Variants in ACACB observed in about 807,000 individuals in gnomAD.
ACACB encodes the protein acetyl-CoA carboxylase 2.
In ACACB, 209 loss-of-function variants were observed where a neutral mutation model predicts 278.8. The observed-to-expected ratio is 0.75, with a 90% CI of 0.67 to 0.84. ACACB has a LOEUF of 0.84. Among genes scored for constraint, ACACB ranks in the 40% least tolerant of loss-of-function variants. ACACB has a pLI of 0.00. For synonymous variants in ACACB, 1,174 were observed against 1,285.6 expected, an observed-to-expected ratio of 0.91 and a Z score of 1.86; for missense variants, 2,850 against 3,269.0, an observed-to-expected ratio of 0.87 and a Z score of 3.13.
intron 13 of ACACB, among the ~76,000 whole-genome samples, chr12:109,190,300 C>G (rs55769293): frequency 0.1 from 15,268 of 152,200 alleles, 911 homozygotes; most frequent in Non-Finnish European, 0.13. Context: ...GTTGGTCAGG[C>G]TGGTCTCGAA....
chr12:109,236,096 AGC>A, intron 33 of ACACB: 1 of 160,882 alleles, frequency 6.2e-6, no homozygotes, highest in Non-Finnish European at 1.4e-5. Flanking sequence ...CCTCCCGAAT[AGC>A]TGGGACTATA....
chr12:109,185,743 A>G lies in ACACB; in HGVS notation c.1980+3A>G, dbSNP rs751527138. 10 of 1,607,008 alleles carry G rather than the reference A, an allele frequency of 6.2e-6. No homozygotes were observed. The South Asian group carries it at 1.1e-4, about 18-fold the overall frequency. ...TCACCAGCGAAAACCCAGACGAGGC[A>G]AGTTATGGGGGCCCCTGTGTTTCCA... On this transcript the variant is annotated splice_donor_region_variant and intron_variant, in intron 12 of 52. Transcript: ENST00000338432.
intron 9 of ACACB, 80 bp from the exon 10 acceptor site, chr12:109,179,008 A>C: frequency 7.4e-7 from 1 of 1,357,476 alleles, no homozygotes; most frequent in Middle Eastern, 1.8e-4. Context: ...CGTTTGTTTT[A>C]TGTTCTCTCC....
In ACACB at chr12:109,265,338, G is replaced by C. The variant is rs754891863; in HGVS notation, c.7114-51G>C. ...ACAGGGGGTGCTGGGGGCTGAGACA[G>C]CTGGCCCACAGCTGGGTCCCTCTCT... On this transcript the variant is annotated intron_variant, in intron 51 of 52. Coordinates refer to ENST00000338432, the MANE Select transcript of ACACB (RefSeq NM_001093.4). The C allele has an allele frequency of 1.9e-6, 3 of 1,610,620 alleles. No homozygotes were observed. The South Asian group carries it at 3.3e-5, about 18-fold the overall frequency.
At chr12:109,234,808 G>A (rs1405751266) in intron 31 of ACACB, among the ~76,000 whole-genome samples, 1 of 151,974 alleles carries the variant, frequency 6.6e-6, no homozygotes, top group African/African-American at 2.4e-5. Flanking sequence ...CGGGGGGTGG[G>A]GGCCGAGGGG....
chr12:109,251,230 T>G (rs538901904), intron 41 of ACACB, among the ~76,000 whole-genome samples: 5 of 152,318 alleles, frequency 3.3e-5, no homozygotes, highest in African/African-American at 4.8e-5. Context: ...GGAGATTGCC[T>G]TTCCCTGGAG....
At chr12:109,131,376 G>C (rs917943853) in intron 1 of ACACB, 1 of 152,632 alleles carries the variant, frequency 6.6e-6, no homozygotes, top group Non-Finnish European at 1.5e-5. Context: ...CCCTGTGGGC[G>C]CCTGTCAGCC....
rs567619160 is a variant in ACACB at position 109,130,978 on chromosome 12, A to G, written c.-9-8419A>G. On this transcript the variant is annotated intron_variant, in intron 1 of 52. Transcript: ENST00000338432. ...ATCTGTCGATGCTGTTTTCCTGTCT[A>G]CCCAGGGCTGTTGTGATTACAGGAC... is the stretch of plus-strand genomic sequence containing the variant. 3.5e-4 allele frequency among the ~76,000 whole-genome samples: 54 copies of G among 152,218 alleles called. 1 individual carries two copies. Among genetic ancestry groups the G allele is most frequent in the East Asian group, 2.5e-3 (13 of 5,178 alleles).
chr12:109,257,980 A>G (rs950854980), intron 45 of ACACB, among the ~76,000 whole-genome samples: 17 of 152,222 alleles, frequency 1.1e-4, no homozygotes, highest in African/African-American at 3.9e-4. Flanking sequence ...GACAGTGCAG[A>G]TGGAGAACGT....
intron 2 of ACACB, among the ~76,000 whole-genome samples, chr12:109,145,551 A>G (rs960290674): frequency 6.6e-6 from 1 of 152,142 alleles, no homozygotes; most frequent in Non-Finnish European, 1.5e-5. Context: ...GAGAACAAGC[A>G]TAAATTATAT....
At chr12:109,160,107 C>T (rs199618625) in intron 2 of ACACB, among the ~76,000 whole-genome samples, 5 of 146,638 alleles carry the variant, frequency 3.4e-5, no homozygotes, top group Non-Finnish European at 6.0e-5. Flanking sequence ...AAAAAAAAAC[C>T]AACCAACCAA....
chr12:109,164,124 C>T (rs905707199), intron 2 of ACACB, among the ~76,000 whole-genome samples: 1 of 152,200 alleles, frequency 6.6e-6, no homozygotes, highest in Non-Finnish European at 1.5e-5. Flanking sequence ...TATGAAAAAA[C>T]AGGTCACCTA....
At chr12:109,218,306 A>G (rs1284188844) in intron 24 of ACACB, among the ~76,000 whole-genome samples, 1 of 152,020 alleles carries the variant, frequency 6.6e-6, no homozygotes, top group Non-Finnish European at 1.5e-5. Context: ...GGCTTAAGCC[A>G]TCCTCCCACC....
chr12:109,176,371 A>G, intron 9 of ACACB, 108 bp downstream of exon 9: 5 of 1,013,428 alleles, frequency 4.9e-6, no homozygotes, highest in Non-Finnish European at 7.7e-6. Context: ...AGACATTTGT[A>G]GGAGCTGGAT....
upstream of ACACB, among the ~76,000 whole-genome samples, chr12:109,112,664 G>A (rs1022513710): frequency 3.2e-5 from 4 of 126,816 alleles, no homozygotes; most frequent in African/African-American, 9.2e-5. Context: ...TGGGCAACAA[G>A]AGCATAAGAG....
At chr12:109,241,663 G>T in intron 36 of ACACB, 1 of 268,558 alleles carries the variant, frequency 3.7e-6, no homozygotes, top group Non-Finnish European at 7.4e-6. Context: ...CCATATTTGG[G>T]ATAAGTTGTG....
intron 1 of ACACB, among the ~76,000 whole-genome samples, chr12:109,129,945 G>A (rs992062194): frequency 6.6e-6 from 1 of 152,220 alleles, no homozygotes; most frequent in Admixed American, 6.5e-5. Context: ...AGCAGGAAGG[G>A]GAAGGCTCTA....
At chr12:109,140,890 C>CTTTTTTTTTTTTTT (rs386377714) in intron 2 of ACACB, among the ~76,000 whole-genome samples, 5 of 86,754 alleles carry the variant, frequency 5.8e-5, no homozygotes, top group Non-Finnish European at 9.2e-5. Flanking sequence ...TTCATTCATT[C>CTTTTTTTTTTTTTT]TTTTTTTTTT....
intron 21 of ACACB, among the ~76,000 whole-genome samples, chr12:109,211,631 C>T (rs982741499): frequency 6.6e-6 from 1 of 152,138 alleles, no homozygotes; most frequent in Non-Finnish European, 1.5e-5. Context: ...CCGCCAGGGG[C>T]TGCAGTGCAG....
Sources: gnomAD v4.1 joint callset for allele counts (sites outside exome capture counted in the v4.1 genomes callset) on GRCh38, gnomAD v4.1.1 for gene constraint, MANE v1.5 for transcripts, NCBI Gene and HGNC (gene_info 2026-07-23, HGNC 2026-07-21) for gene names.